Variants in OR4F15 observed in about 807,000 individuals in gnomAD.
OR4F15 encodes olfactory receptor family 4 subfamily F member 15.
A neutral mutation model predicts 11.9 loss-of-function variants in OR4F15; 7 were observed. The observed-to-expected ratio is 0.59, with a 90% CI of 0.33 to 1.10. The LOEUF is 1.10. Ranked by LOEUF, OR4F15 falls within the 50% of genes least tolerant of loss-of-function variation. The probability of loss-of-function intolerance (pLI) is 0.03; values close to 1 mark genes in which losing one functional copy is unlikely to be tolerated. For missense variants in OR4F15, 445 were observed against 377.5 expected, an observed-to-expected ratio of 1.18 and a Z score of -1.48; for synonymous variants, 151 against 134.6, an observed-to-expected ratio of 1.12 and a Z score of -0.84.
chr15:101,818,966 GC>G lies in OR4F15; in HGVS notation c.782del (p.Pro261LeufsTer22). On this transcript the variant is annotated frameshift_variant, in exon 2 of 2. Transcript: ENST00000332238. LOFTEE classifies it high-confidence loss of function. ...FGPLMFFYTW[P>X]SPTSHLDKYL... Reference sequence around the variant, plus strand: ...GGCCACTGATGTTTTTCTACACATGGCCTTCTCCCACATCACACCTGGATAA... The same window carrying G: ...GGCCACTGATGTTTTTCTACACATGGCTTCTCCCACATCACACCTGGATAA... 6.2e-7 allele frequency: 1 copy of G among 1,614,076 alleles called. No homozygotes were observed. The highest frequency in any genetic ancestry group is 8.5e-7 in the Non-Finnish European group (1 of 1,179,994).
Position 101,812,991 on chromosome 15 carries a change from C to T in OR4F15, c.-38+719C>T, listed in dbSNP as rs529955872. 2.0e-5 allele frequency among the ~76,000 whole-genome samples: 3 copies of T among 152,198 alleles called. No homozygotes were observed. The East Asian group carries it at 5.8e-4, about 29-fold the overall frequency. On this transcript the variant is annotated intron_variant, in intron 1 of 1. Transcript: ENST00000332238. ...CAAGATAAAGAGGTAGAAGATGGAT[C>T]CTTTGAGGAAGGCTAAAGCAAATTG...
At chr15:101,817,840 A>G (rs1466468708) in intron 1 of OR4F15, among the ~76,000 whole-genome samples, 1 of 152,224 alleles carries the variant, frequency 6.6e-6, no homozygotes, top group Non-Finnish European at 1.5e-5. Flanking sequence ...AAAAGTATTT[A>G]AAGATGACCT....
rs2141622385 is a variant in OR4F15, at chr15:101,819,309, C to T, written c.*184C>T. 7.2e-6 allele frequency: 4 copies of T among 555,778 alleles called. No individual in the cohort carries two copies. In the South Asian group the frequency reaches 1.1e-4, roughly 15 times the overall value. 34.4% of individuals were successfully genotyped at this position (555,778 alleles called of 1,614,324 possible). A position where few individuals can be genotyped will look rare whatever the true frequency, so the allele number is the denominator to read the frequency against. Reference sequence around the variant, plus strand: ...TGTTATCCTTTGGCACAGTGTGCATCAAAGTGCTAAATATTAAATCTTAAT... The same window carrying T: ...TGTTATCCTTTGGCACAGTGTGCATTAAAGTGCTAAATATTAAATCTTAAT... On this transcript the variant is annotated 3_prime_UTR_variant, in exon 2 of 2. Transcript: ENST00000332238.
intron 1 of OR4F15, among the ~76,000 whole-genome samples, chr15:101,815,305 G>A (rs913191444): frequency 2.6e-5 from 4 of 151,986 alleles, no homozygotes; most frequent in Admixed American, 1.3e-4. Context: ...AATACTTGTC[G>A]AATGAATGAG....
chr15:101,819,000 G>C lies in OR4F15; in HGVS notation c.814G>C (p.Ala272Pro), dbSNP rs79724132. 1 of 1,613,872 alleles carries C rather than the reference G, an allele frequency of 6.2e-7. No homozygotes were observed. Among genetic ancestry groups the C allele is most frequent in the Admixed American group, 1.7e-5 (1 of 59,994 alleles). ...CACATCACACCTGGATAAATATCTTGCTATTTTTGATGCATTTATTACTCC... is the reference window on the plus strand; with the variant it reads ...CACATCACACCTGGATAAATATCTTCCTATTTTTGATGCATTTATTACTCC... Reference protein sequence around the residue: ...SPTSHLDKYLAIFDAFITPFL... With the variant: ...SPTSHLDKYLPIFDAFITPFL... The change falls in exon 2 of 2, where the codon GCT becomes CCT. Residue 272 changes from alanine (A) to proline (P), a missense_variant. By Grantham distance (27) the Ala-to-Pro change is conservative. Transcript: ENST00000332238.
Position 101,818,490 on chromosome 15 carries a change from T to A in OR4F15, c.304T>A (p.Phe102Ile). The A allele has an allele frequency of 6.2e-7, 1 of 1,614,172 alleles. No individual in the cohort carries two copies. The highest frequency in any genetic ancestry group is 1.3e-5 in the African/African-American group (1 of 75,040). The change falls in exon 2 of 2, where the codon TTC (phenylalanine) becomes ATC (isoleucine). Residue 102 changes from phenylalanine (F) to isoleucine (I), a missense_variant. Physicochemically the swap from Phe to Ile is conservative, Grantham distance 21. Transcript: ENST00000332238. ...CTTTCGGGGATGTATTACTCAGATC[T>A]TCTTTAGCCATGCTCTTGGGGGCAC... Reference protein sequence around the residue: ...ISFRGCITQIFFSHALGGTEM... With the variant: ...ISFRGCITQIIFSHALGGTEM...
chr15:101,813,419 G>A (rs1022519808), intron 1 of OR4F15, among the ~76,000 whole-genome samples: 1 of 150,162 alleles, frequency 6.7e-6, no homozygotes, highest in East Asian at 2.0e-4. Context: ...TGAGGCTACA[G>A]AATCGCTTAA....
Position 101,819,075 on chromosome 15 carries a change from G to A in OR4F15, c.889G>A (p.Ala297Thr). The change falls in exon 2 of 2, where the codon GCA (alanine) becomes ACA (threonine). Residue 297 changes from alanine to threonine, a missense_variant. Physicochemically the swap from Ala to Thr is moderately conservative, Grantham distance 58. Transcript: ENST00000332238. ...YTFRNKDMKVAMRRLCSRLAH... is the reference protein window; with the variant it reads ...YTFRNKDMKVTMRRLCSRLAH... The stretch of plus-strand genomic sequence containing the variant: ...ATTCAGGAACAAAGACATGAAAGTG[G>A]CAATGAGGAGACTGTGCAGTCGTCT... The A allele has an allele frequency of 6.2e-7, 1 of 1,613,808 alleles. No homozygotes were observed. Among genetic ancestry groups the A allele is most frequent in the Non-Finnish European group, 8.5e-7 (1 of 1,179,890 alleles).
At chr15:101,813,682 T>A (rs1241736728) in intron 1 of OR4F15, among the ~76,000 whole-genome samples, 1 of 152,164 alleles carries the variant, frequency 6.6e-6, no homozygotes, top group East Asian at 1.9e-4. Context: ...TTGAGAATAA[T>A]GAACATCTTT....
intron 1 of OR4F15, among the ~76,000 whole-genome samples, chr15:101,817,373 C>A (rs1413033172): frequency 1.3e-5 from 2 of 152,160 alleles, no homozygotes; most frequent in Non-Finnish European, 2.9e-5. Flanking sequence ...TAATTTACGC[C>A]TTCATTCAAC....
At chr15:101,815,750 A>AT (rs1053224231) in intron 1 of OR4F15, among the ~76,000 whole-genome samples, 15 of 152,142 alleles carry the variant, frequency 9.9e-5, no homozygotes, top group Admixed American at 9.2e-4. Flanking sequence ...CACTGAAGAT[A>AT]TTTTTTGAAT....
rs773246425 is a variant in OR4F15 at position 101,818,161 on chromosome 15, G to A, written c.-26G>A. ...CTTTCTTCCTTCAGGTAAGTAACAT[G>A]AAAACTGATCTTGGAGTCTGAGGCA... On this transcript the variant is annotated 5_prime_UTR_variant, in exon 2 of 2. The change abolishes an upstream ATG in the 5' untranslated region. Coordinates refer to ENST00000332238, the MANE Select transcript of OR4F15 (RefSeq NM_001001674.2). 14 of 1,470,840 alleles carry A rather than the reference G, an allele frequency of 9.5e-6. No homozygotes were observed. The highest frequency in any genetic ancestry group is 1.3e-5 in the Non-Finnish European group (14 of 1,066,410). 91.1% of individuals were successfully genotyped at this position (1,470,840 alleles called of 1,614,324 possible). A position where few individuals can be genotyped will look rare whatever the true frequency, so the allele number is the denominator to read the frequency against.
rs2141622403 is a variant in OR4F15 at position 101,819,364 on chromosome 15, C to A, written c.*239C>A. 2.2e-6 allele frequency: 1 copy of A among 458,944 alleles called. No homozygotes were observed. The highest frequency in any genetic ancestry group is 2.0e-5 in the African/African-American group (1 of 51,056). 28.4% of individuals were successfully genotyped at this position (458,944 alleles called of 1,614,324 possible). A position where few individuals can be genotyped will look rare whatever the true frequency, so the allele number is the denominator to read the frequency against. On this transcript the variant is annotated 3_prime_UTR_variant, in exon 2 of 2. Coordinates refer to ENST00000332238, the MANE Select transcript of OR4F15 (RefSeq NM_001001674.2). ...TTTGTAACCTACCACTTTGAAAGAC[C>A]TTGTTCTAGGTGAGTGCCATGTAAT...
intron 1 of OR4F15, among the ~76,000 whole-genome samples, chr15:101,814,418 T>C (rs953710302): frequency 1.3e-5 from 2 of 152,236 alleles, no homozygotes; most frequent in Non-Finnish European, 2.9e-5. Context: ...TTATTTTTTT[T>C]GTCTGCAATG....
intron 1 of OR4F15, among the ~76,000 whole-genome samples, chr15:101,812,768 T>TA (rs1051224704): frequency 3.3e-5 from 5 of 151,990 alleles, no homozygotes; most frequent in Non-Finnish European, 2.9e-5. Flanking sequence ...CACCCTGAAC[T>TA]AAAAAAATGT....
intron 1 of OR4F15, among the ~76,000 whole-genome samples, chr15:101,813,195 T>A (rs1902933598): frequency 6.6e-6 from 1 of 152,152 alleles, no homozygotes; most frequent in South Asian, 2.1e-4. Flanking sequence ...AGAGAACATT[T>A]GGACTTTTAT....
rs779659876 is a variant in OR4F15 at position 101,818,328 on chromosome 15, A to T, written c.142A>T (p.Thr48Ser). The change falls in exon 2 of 2, where the codon ACT (threonine) becomes TCT (serine). Residue 48 changes from threonine (T) to serine (S), a missense_variant. By Grantham distance (58) the Thr-to-Ser change is moderately conservative. Transcript: ENST00000332238. ...GATGGGAAACCTTGTCATTGTATTCACTGTAACCATGGATGCTCATCTGCA... is the reference window on the plus strand; with the variant it reads ...GATGGGAAACCTTGTCATTGTATTCTCTGTAACCATGGATGCTCATCTGCA... Reference protein sequence around the residue: ...SMMGNLVIVFTVTMDAHLHSP... With the variant: ...SMMGNLVIVFSVTMDAHLHSP... 9.3e-6 allele frequency: 15 copies of T among 1,613,920 alleles called. No homozygotes were observed. The highest frequency in any genetic ancestry group is 3.3e-4 in the Middle Eastern group (2 of 6,084).
chr15:101,814,766 C>G (rs1902962215), intron 1 of OR4F15, among the ~76,000 whole-genome samples: 1 of 152,126 alleles, frequency 6.6e-6, no homozygotes, highest in Non-Finnish European at 1.5e-5. Flanking sequence ...ACCTTGCCCT[C>G]TGTGTAGGCT....
chr15:101,813,225 C>T (rs1239483365), intron 1 of OR4F15, among the ~76,000 whole-genome samples: 1 of 152,080 alleles, frequency 6.6e-6, no homozygotes, highest in East Asian at 1.9e-4. Context: ...AAGCAGGACA[C>T]AGCCGGGCAC....
Sources: allele counts gnomAD v4.1 joint callset (sites outside exome capture counted in the v4.1 genomes callset), GRCh38; gene constraint gnomAD v4.1.1; transcripts MANE v1.5; gene names NCBI Gene and HGNC (gene_info 2026-07-23, HGNC 2026-07-21).